The following ACBD6 variants were observed in gnomAD, a reference collection of about 807,000 sequenced individuals.
The protein encoded by ACBD6 is acyl-CoA-binding domain-containing protein 6.
A neutral mutation model predicts 37.2 loss-of-function variants in ACBD6; 28 were observed. The ratio of observed to expected loss-of-function variants is 0.75; its 90% CI spans 0.56 to 1.03. The LOEUF is 1.03. Among genes scored for constraint, ACBD6 ranks in the 50% least tolerant of loss-of-function variants. The pLI is 0.00. For missense variants in ACBD6, 340 were observed against 337.4 expected (o/e 1.01, Z -0.06); for synonymous variants, 113 against 126.8 (o/e 0.89, Z 0.73).
intron 4 of ACBD6, among the ~76,000 whole-genome samples, chr1:180,424,688 T>C (rs1236534845): frequency 1.3e-5 from 2 of 151,336 alleles, no homozygotes; most frequent in Non-Finnish European, 2.9e-5. Flanking sequence ...CAGATAAGGA[T>C]ATGGGAAGAA....
chr1:180,379,695 C>A (rs755536311), intron 6 of ACBD6, among the ~76,000 whole-genome samples: 5 of 151,944 alleles, frequency 3.3e-5, no homozygotes, highest in Non-Finnish European at 7.4e-5. Context: ...TTCGCAGATA[C>A]CTCAGCCAAA....
At chr1:180,443,161 G>A (rs989990378) in intron 3 of ACBD6, among the ~76,000 whole-genome samples, 2 of 152,148 alleles carry the variant, frequency 1.3e-5, no homozygotes, top group Non-Finnish European at 2.9e-5. Flanking sequence ...TGATCCTTTT[G>A]AGGCTCAATT....
chr1:180,389,971 T>C (rs888289623), intron 6 of ACBD6, among the ~76,000 whole-genome samples: 4 of 152,052 alleles, frequency 2.6e-5, no homozygotes, highest in African/African-American at 9.7e-5. Context: ...ACTCTGATAG[T>C]AGTTTCTTTT....
At chr1:180,438,444 C>T (rs957114092) in intron 3 of ACBD6, 1 of 150,956 alleles carries the variant, frequency 6.6e-6, no homozygotes, top group African/African-American at 2.5e-5. Context: ...CTATTGGCGC[C>T]ATTCATTGAC....
intron 7 of ACBD6, among the ~76,000 whole-genome samples, chr1:180,311,221 G>A (rs750251317): frequency 4.6e-5 from 7 of 151,968 alleles, no homozygotes; most frequent in Non-Finnish European, 7.4e-5. Context: ...TATCTACGTG[G>A]GCCTCTCTGC....
intron 6 of ACBD6, among the ~76,000 whole-genome samples, chr1:180,366,107 A>T (rs2101909284): frequency 6.6e-6 from 1 of 152,380 alleles, no homozygotes; most frequent in East Asian, 1.9e-4. Flanking sequence ...ATTTTATAAC[A>T]TGCACATACT....
intron 4 of ACBD6, among the ~76,000 whole-genome samples, chr1:180,422,464 C>T (rs987357066): frequency 2.6e-5 from 4 of 152,160 alleles, no homozygotes; most frequent in Admixed American, 2.6e-4. Flanking sequence ...TCTTGGCCTT[C>T]GAAGGTGCTC....
intron 4 of ACBD6, among the ~76,000 whole-genome samples, chr1:180,421,919 A>G (rs1361162029): frequency 1.3e-5 from 2 of 151,698 alleles, no homozygotes; most frequent in African/African-American, 4.8e-5. Flanking sequence ...TGTTTCTCCT[A>G]TTATCTTGAC....
intron 6 of ACBD6, among the ~76,000 whole-genome samples, chr1:180,366,571 T>A (rs1178583911): frequency 6.6e-6 from 1 of 152,156 alleles, no homozygotes; most frequent in African/African-American, 2.4e-5. Flanking sequence ...CACTGGGTGT[T>A]CTCTGAACTC....
intron 3 of ACBD6, among the ~76,000 whole-genome samples, chr1:180,468,379 A>C (rs180872319): frequency 6.6e-6 from 1 of 152,160 alleles, no homozygotes; most frequent in Non-Finnish European, 1.5e-5. Context: ...GCGGGTCCTC[A>C]CACCAAAGGA....
At chr1:180,370,869 T>A (rs1282670389) in intron 6 of ACBD6, among the ~76,000 whole-genome samples, 2 of 150,526 alleles carry the variant, frequency 1.3e-5, no homozygotes, top group Non-Finnish European at 3.0e-5. Context: ...TTATTATTAT[T>A]TTAATGTGTA....
At chr1:180,375,841 A>G (rs1038606046) in intron 6 of ACBD6, among the ~76,000 whole-genome samples, 1 of 150,956 alleles carries the variant, frequency 6.6e-6, no homozygotes, top group African/African-American at 2.5e-5. Context: ...ATTTGATTAT[A>G]TAAAAATAAA....
Position 180,421,699 on chromosome 1 carries a change from T to C in ACBD6, c.468-8228A>G, listed in dbSNP as rs78722812. 6.7e-3 allele frequency among the ~76,000 whole-genome samples: 1,014 copies of C among 152,250 alleles called. 17 individuals carry two copies. The highest frequency in any genetic ancestry group is 0.023 in the African/African-American group (968 of 41,540). ...ACTTTTTAATAACAGCCATTCTGAC[T>C]GTTACTAAAAGAGAGGCATGAGAAG... On this transcript the variant is annotated intron_variant, in intron 4 of 7. Coordinates refer to ENST00000367595, the MANE Select transcript of ACBD6 (RefSeq NM_032360.4).
At chr1:180,326,735 T>C (rs1344856737) in intron 6 of ACBD6, among the ~76,000 whole-genome samples, 4 of 152,190 alleles carry the variant, frequency 2.6e-5, no homozygotes, top group Non-Finnish European at 4.4e-5. Context: ...CTGTTGGCTA[T>C]TGAGGACCCA....
chr1:180,421,574 A>G (rs1030917845), intron 4 of ACBD6, among the ~76,000 whole-genome samples: 10 of 152,208 alleles, frequency 6.6e-5, no homozygotes, highest in African/African-American at 2.4e-4. Context: ...AGGAATTGTC[A>G]CACTGTCTTC....
At chr1:180,323,463 T>G (rs139452983) in intron 6 of ACBD6, among the ~76,000 whole-genome samples, 43 of 152,212 alleles carry the variant, frequency 2.8e-4, no homozygotes, top group African/African-American at 1.0e-3. Flanking sequence ...TTTGATTTTC[T>G]GTCTGAAAGA....
Position 180,354,452 on chromosome 1 carries a change from G to T in ACBD6, c.664-39730C>A, listed in dbSNP as rs977577213. On this transcript the variant is annotated intron_variant, in intron 6 of 7. Coordinates refer to ENST00000367595, the MANE Select transcript of ACBD6 (RefSeq NM_032360.4). Reference sequence around the variant, plus strand: ...TTTAAACACTTGCCATGGACTAGGGGATATGGTAATTTTAAAAAATGTTTA... The same window carrying T: ...TTTAAACACTTGCCATGGACTAGGGTATATGGTAATTTTAAAAAATGTTTA... 2.6e-5 allele frequency among the ~76,000 whole-genome samples: 4 copies of T among 151,894 alleles called. No individual in the cohort carries two copies. The South Asian group carries it at 6.2e-4, about 24-fold the overall frequency.
chr1:180,305,453 A>T (rs991854770), intron 7 of ACBD6, among the ~76,000 whole-genome samples: 2 of 152,238 alleles, frequency 1.3e-5, no homozygotes, highest in Admixed American at 1.3e-4. Context: ...ATATCAATAG[A>T]CACTTCTCAA....
At chr1:180,413,187 G>A (rs189844925) in intron 5 of ACBD6, among the ~76,000 whole-genome samples, 179 bp downstream of exon 5, 1 of 152,274 alleles carries the variant, frequency 6.6e-6, no homozygotes, top group Admixed American at 6.5e-5. Flanking sequence ...ATAAAAATAT[G>A]TTGGACATAA....
Sources: allele counts gnomAD v4.1 joint callset (sites outside exome capture counted in the v4.1 genomes callset), GRCh38; gene constraint gnomAD v4.1.1; transcripts MANE v1.5; gene names NCBI Gene and HGNC (gene_info 2026-07-23, HGNC 2026-07-21).